Variants in HLTF observed in about 807,000 individuals in gnomAD.
The protein encoded by HLTF is DNA-dependent ATPase/E3 ubiquitin-protein ligase HLTF.
Under a neutral mutation model 129.4 loss-of-function variants are expected in HLTF, and 127 were observed. That is an observed-to-expected ratio of 0.98 (90% CI 0.85 to 1.14). The LOEUF is 1.14. HLTF is among the 50% of genes most tolerant of loss of function. The pLI, the probability that HLTF is intolerant of heterozygous loss-of-function variation, is 0.00. For missense variants in HLTF, 1,139 were observed against 1,187.1 expected, an observed-to-expected ratio of 0.96 and a Z score of 0.60; for synonymous variants, 332 against 388.8, an observed-to-expected ratio of 0.85 and a Z score of 1.72.
chr3:149,057,984 T>C (rs1717613705), intron 13 of HLTF, among the ~76,000 whole-genome samples: 1 of 152,234 alleles, frequency 6.6e-6, no homozygotes. Flanking sequence ...CCTTGGTAAT[T>C]GGCGCTCCCA....
rs767562758 is a variant in HLTF at position 149,084,901 on chromosome 3, T to A, written c.21-12A>T. ...TCCAAACTGGATCCCTATTTTTTTTTAAAGGCAAAGAAAAACAATATAATA... is the reference window on the plus strand; with the variant it reads ...TCCAAACTGGATCCCTATTTTTTTTAAAAGGCAAAGAAAAACAATATAATA... On this transcript the variant is annotated splice_polypyrimidine_tract_variant and intron_variant, in intron 1 of 24. Transcript: ENST00000310053. 15 of 1,579,118 alleles carry A rather than the reference T, an allele frequency of 9.5e-6. No individual in the cohort carries two copies. The highest frequency in any genetic ancestry group is 2.2e-5 in the South Asian group (2 of 89,208).
intron 9 of HLTF, 63 bp from the exon 10 acceptor site, chr3:149,063,587 C>T (rs1003601363): frequency 1.1e-6 from 1 of 895,014 alleles, no homozygotes; most frequent in Non-Finnish European, 1.8e-6. Context: ...TAGTATTATC[C>T]CTCTTAAAAC....
intron 2 of HLTF, among the ~76,000 whole-genome samples, chr3:149,079,363 CG>C: frequency 3.0e-5 from 1 of 33,898 alleles, no homozygotes; most frequent in African/African-American, 9.9e-5. Flanking sequence ...AAAAGGGTAA[CG>C]ACAGTTTCTA....
At chr3:149,038,133 C>T (rs114201035) in intron 23 of HLTF, among the ~76,000 whole-genome samples, 131 of 152,320 alleles carry the variant, frequency 8.6e-4, no homozygotes, top group African/African-American at 3.0e-3. Context: ...AATCCTAGAA[C>T]TCCTAAGTCT....
intron 7 of HLTF, among the ~76,000 whole-genome samples, chr3:149,070,096 G>T (rs1009253501): frequency 5.9e-5 from 9 of 151,964 alleles, no homozygotes; most frequent in African/African-American, 2.2e-4. Flanking sequence ...ACAAAACAGG[G>T]TATAAAAAGC....
intron 9 of HLTF, among the ~76,000 whole-genome samples, 168 bp from the exon 10 acceptor site, chr3:149,063,692 T>C (rs1405843731): frequency 6.6e-6 from 1 of 152,136 alleles, no homozygotes; most frequent in Non-Finnish European, 1.5e-5. Context: ...TAGTATTTCC[T>C]CATTTCTAAT....
rs758377662 is a variant in HLTF at position 149,031,088 on chromosome 3, C to CT, written c.*1131dup. On this transcript the variant is annotated 3_prime_UTR_variant, in exon 25 of 25. Coordinates refer to ENST00000310053, the MANE Select transcript of HLTF (RefSeq NM_003071.4). ...AATCTGACTGCTAAATTTCTAGCTT[C>CT]TTTGTTTTAAATATGCTCAGGAGTC... is the stretch of plus-strand genomic sequence containing the variant. 12 of 150,502 alleles carry CT rather than the reference C, an allele frequency of 8.0e-5. No homozygotes were observed. The highest frequency in any genetic ancestry group is 2.0e-4 in the Admixed American group (3 of 15,188). 9.3% of individuals were successfully genotyped at this position (150,502 alleles called of 1,614,324 possible). A position where few individuals can be genotyped will look rare whatever the true frequency, so the allele number is the denominator to read the frequency against.
In HLTF at chr3:149,030,395, AT is replaced by A. The variant is rs1341204734; in HGVS notation, c.*1824del. On this transcript the variant is annotated 3_prime_UTR_variant, in exon 25 of 25. Coordinates refer to ENST00000310053, the MANE Select transcript of HLTF (RefSeq NM_003071.4). ...ACAGAACTGTACAAAACAAAGAGACATTTTTTAAACAACTTGCCAAACTTAC... is the reference window on the plus strand; with the variant it reads ...ACAGAACTGTACAAAACAAAGAGACATTTTTAAACAACTTGCCAAACTTAC... The A allele has an allele frequency of 1.3e-5, 2 of 152,138 alleles. No individual in the cohort carries two copies. The highest frequency in any genetic ancestry group is 2.9e-5 in the Non-Finnish European group (2 of 68,018). The allele number at this position is 152,138 out of a possible 1,614,324, so 9.4% of individuals were successfully genotyped here.
chr3:149,040,122 A>T lies in HLTF; in HGVS notation c.2411T>A (p.Ile804Lys). The change falls in exon 21 of 25, where the codon ATA becomes AAA. Residue 804 changes from isoleucine to lysine, a missense_variant. Physicochemically the swap from Ile to Lys is moderately radical, Grantham distance 102. Coordinates refer to ENST00000310053, the MANE Select transcript of HLTF (RefSeq NM_003071.4). The stretch of plus-strand genomic sequence containing the variant: ...ACATTCTAATAAATTATCTTCATGT[A>T]TATCATTTCTGCATAAAGGGCATTT... ...HAKCPLCRND[I>K]HEDNLLECPP... is the part of the protein sequence containing the mutation. 1 of 1,609,340 alleles carries T rather than the reference A, an allele frequency of 6.2e-7. No individual in the cohort carries two copies. The highest frequency in any genetic ancestry group is 8.5e-7 in the Non-Finnish European group (1 of 1,177,962).
At chr3:149,055,498 T>C (rs1256077529) in intron 13 of HLTF, 98 bp from the exon 14 acceptor site, 2 of 765,432 alleles carry the variant, frequency 2.6e-6, no homozygotes, top group East Asian at 5.1e-5. Context: ...AAAAGATAAA[T>C]TAGGAACAAT....
At chr3:149,081,798 A>G (rs1719897604) in intron 2 of HLTF, among the ~76,000 whole-genome samples, 1 of 152,208 alleles carries the variant, frequency 6.6e-6, no homozygotes, top group Non-Finnish European at 1.5e-5. Flanking sequence ...TGGTTATTCA[A>G]CTTGGAAAGA....
intron 2 of HLTF, among the ~76,000 whole-genome samples, chr3:149,082,959 A>T (rs1260528849): frequency 6.6e-6 from 1 of 152,230 alleles, no homozygotes; most frequent in Non-Finnish European, 1.5e-5. Flanking sequence ...CCATTTAAAA[A>T]TAATGAACGT....
chr3:149,039,768 AG>A, intron 21 of HLTF, 75 bp from the exon 22 acceptor site: 2 of 804,068 alleles, frequency 2.5e-6, no homozygotes, highest in South Asian at 2.1e-5. Context: ...TTTATCATAA[AG>A]AAAAGGTCCT....
rs1212048590 is a variant in HLTF, at chr3:149,076,018, T to C, written c.258A>G (p.Gln86=). The C allele has an allele frequency of 5.5e-6, 8 of 1,461,662 alleles. No individual in the cohort carries two copies. The highest frequency in any genetic ancestry group is 4.8e-5 in the South Asian group (4 of 83,526). The allele number at this position is 1,461,662 out of a possible 1,614,324, so 90.5% of individuals were successfully genotyped here. A position where few individuals can be genotyped will look rare whatever the true frequency, so the allele number is the denominator to read the frequency against. Residue 86 remains glutamine (Q), a synonymous_variant, in exon 3 of 25, where the codon CAA becomes CAG. Transcript: ENST00000310053. ...TATCATAAGGGTTATTAGGATCTCG[T>C]TGTAATGCAACCATTTCATTATTAT... ...VVNNNEMVAL[Q]RDPNNPYDKN...
At chr3:149,067,438 GTTTTATGGC>G (rs1172453165) in intron 8 of HLTF, among the ~76,000 whole-genome samples, 1 of 152,108 alleles carries the variant, frequency 6.6e-6, no homozygotes, top group Non-Finnish European at 1.5e-5. Flanking sequence ...ATAATAGTAA[GTTTTATGGC>G]TATATCGTTT....
chr3:149,049,103 C>A, intron 15 of HLTF, 102 bp from the exon 16 acceptor site: 1 of 764,650 alleles, frequency 1.3e-6, no homozygotes, highest in Non-Finnish European at 2.1e-6. Flanking sequence ...ATCAAATTTA[C>A]TATGTGCTAG....
In HLTF at chr3:149,048,174, C is replaced by A. The variant is rs372936393; in HGVS notation, c.1757-11G>T. The stretch of plus-strand genomic sequence containing the variant: ...TCTGGATTGGAGTACCTAGAAATAA[C>A]AGGAAACTGTTATAACTCTTTAACC... On this transcript the variant is annotated splice_polypyrimidine_tract_variant and intron_variant, in intron 16 of 24. Coordinates refer to ENST00000310053, the MANE Select transcript of HLTF (RefSeq NM_003071.4). The A allele has an allele frequency of 2.4e-5, 39 of 1,596,278 alleles. No homozygotes were observed. In the African/African-American group the frequency reaches 4.3e-4, roughly 18 times the overall value.
chr3:149,062,121 T>C (rs560983399), intron 10 of HLTF, among the ~76,000 whole-genome samples: 2 of 152,192 alleles, frequency 1.3e-5, no homozygotes, highest in African/African-American at 2.4e-5. Flanking sequence ...ATAAGAAAAA[T>C]AGAAATAAAA....
intron 15 of HLTF, among the ~76,000 whole-genome samples, chr3:149,049,513 GACTA>G (rs1429998252): frequency 6.6e-6 from 1 of 152,068 alleles, no homozygotes; most frequent in Admixed American, 6.6e-5. Context: ...AAAACAATTA[GACTA>G]ACTGGAAAAC....
Sources: allele counts gnomAD v4.1 joint callset (sites outside exome capture counted in the v4.1 genomes callset), GRCh38; gene constraint gnomAD v4.1.1; transcripts MANE v1.5; gene names NCBI Gene and HGNC (gene_info 2026-07-23, HGNC 2026-07-21).